RHBDL2: variants seen among roughly 807,000 people sequenced by gnomAD.
RHBDL2 encodes rhomboid like 2, also known as rhomboid-related protein 2.
In RHBDL2, 26 loss-of-function variants were observed where a neutral mutation model predicts 31.7. The ratio of observed to expected loss-of-function variants is 0.82; its 90% confidence interval spans 0.60 to 1.14. RHBDL2 has a LOEUF of 1.14. Among genes scored for constraint, RHBDL2 ranks in the 50% most tolerant of loss-of-function variants. The pLI is 0.00. For missense variants in RHBDL2, 336 were observed against 364.4 expected, an observed-to-expected ratio of 0.92 and a Z score of 0.63; for synonymous variants, 123 against 127.2, an observed-to-expected ratio of 0.97 and a Z score of 0.22.
intron 2 of RHBDL2, among the ~76,000 whole-genome samples, chr1:38,915,941 C>T (rs1424895455): frequency 1.3e-5 from 2 of 152,238 alleles, no homozygotes; most frequent in African/African-American, 2.4e-5. Flanking sequence ...GTAAGGAAGA[C>T]TTTCTGAACC....
At chr1:38,934,311 G>A (rs1488136712) in intron 1 of RHBDL2, among the ~76,000 whole-genome samples, 2 of 151,696 alleles carry the variant, frequency 1.3e-5, no homozygotes, top group Non-Finnish European at 2.9e-5. Context: ...TTGTGCCACT[G>A]CACTCCAGCC....
chr1:38,887,560 G>A (rs1210543457), intron 7 of RHBDL2, among the ~76,000 whole-genome samples: 3 of 152,188 alleles, frequency 2.0e-5, no homozygotes, highest in Non-Finnish European at 4.4e-5. Flanking sequence ...GAGTAGCTGG[G>A]ATTACAGGTG....
intron 4 of RHBDL2, among the ~76,000 whole-genome samples, chr1:38,899,985 G>T (rs1037356892): frequency 6.6e-6 from 1 of 152,184 alleles, no homozygotes; most frequent in African/African-American, 2.4e-5. Flanking sequence ...AGCAGTGTGG[G>T]GATGTGTACT....
chr1:38,939,158 G>A (rs1208092084), intron 1 of RHBDL2, among the ~76,000 whole-genome samples: 1 of 152,224 alleles, frequency 6.6e-6, no homozygotes, highest in Non-Finnish European at 1.5e-5. Context: ...GAGTCTGGAT[G>A]CAGCAGCCCA....
rs1439234011 is a variant in RHBDL2 at position 38,895,995 on chromosome 1, C to T, written c.583G>A (p.Gly195Arg). The change falls in exon 5 of 8, where the codon GGA (glycine) becomes AGA (arginine). Residue 195 changes from glycine (G) to arginine (R), a missense_variant. Transcript: ENST00000372990. ...ACCAGAACATTCATAAAATAGCCTCCCATCAGAGCATAGACTCCTCCTGAA... is the reference window on the plus strand; with the variant it reads ...ACCAGAACATTCATAAAATAGCCTCTCATCAGAGCATAGACTCCTCCTGAA... ...GASGGVYALM[G>R]GYFMNVLVNF... 4 of 1,613,354 alleles carry T rather than the reference C, an allele frequency of 2.5e-6. 1 individual carries two copies.
intron 1 of RHBDL2, among the ~76,000 whole-genome samples, chr1:38,923,731 C>T (rs945739901): frequency 2.2e-4 from 33 of 152,232 alleles, no homozygotes; most frequent in African/African-American, 7.5e-4. Context: ...ACTTGGCACT[C>T]GAGCACTCAC....
chr1:38,921,208 G>A (rs934959870), intron 1 of RHBDL2, among the ~76,000 whole-genome samples: 9 of 152,038 alleles, frequency 5.9e-5, no homozygotes, highest in African/African-American at 1.7e-4. Flanking sequence ...CTGGTGAAAC[G>A]CCATCTCTAC....
At chr1:38,891,031 G>A (rs954576481) in intron 6 of RHBDL2, among the ~76,000 whole-genome samples, 1 of 152,002 alleles carries the variant, frequency 6.6e-6, no homozygotes, top group Non-Finnish European at 1.5e-5. Flanking sequence ...CACTTTGGGA[G>A]GCTGAGGTGA....
At chr1:38,901,326 G>A (rs888079049) in intron 4 of RHBDL2, among the ~76,000 whole-genome samples, 1 of 151,224 alleles carries the variant, frequency 6.6e-6, no homozygotes, top group Non-Finnish European at 1.5e-5. Context: ...GCTGGGCTTG[G>A]TGGCAGGCAC....
Position 38,896,050 on chromosome 1 carries a change from G to C in RHBDL2, c.528C>G (p.Ile176Met). The C allele has an allele frequency of 6.2e-7, 1 of 1,613,566 alleles. No individual in the cohort carries two copies. Among genetic ancestry groups the C allele is most frequent in the Non-Finnish European group, 8.5e-7 (1 of 1,179,570 alleles). The change falls in exon 5 of 8, where the codon ATC becomes ATG. Residue 176 changes from isoleucine to methionine, a missense_variant. Ile to Met is a conservative substitution (Grantham distance 10). Coordinates refer to ENST00000372990, the MANE Select transcript of RHBDL2 (RefSeq NM_017821.5). ...GVIAGSLASS[I>M]FDPLRYLVGA... ...CCACAAGATATCTGAGTGGGTCAAA[G>C]ATGGAGCTGGCAAGGGACCCTAAAG...
rs186499043 is a variant in RHBDL2, at chr1:38,906,986, T to A, written c.508+4336A>T. 7.4e-4 allele frequency among the ~76,000 whole-genome samples: 112 copies of A among 152,266 alleles called. 3 individuals carry two copies. In the Middle Eastern group the frequency reaches 0.01, roughly 14 times the overall value. ...AAAATGAAGAATAAAATGGGAGGAATCATTCTGATTTCAAAACTTATTATA... is the reference window on the plus strand; with the variant it reads ...AAAATGAAGAATAAAATGGGAGGAAACATTCTGATTTCAAAACTTATTATA... On this transcript the variant is annotated intron_variant, in intron 4 of 7. Coordinates refer to ENST00000372990, the MANE Select transcript of RHBDL2 (RefSeq NM_017821.5).
intron 1 of RHBDL2, among the ~76,000 whole-genome samples, chr1:38,934,512 CCAGGA>C (rs2124355462): frequency 1.3e-5 from 2 of 150,252 alleles, no homozygotes; most frequent in South Asian, 2.1e-4. Context: ...AAAAAATTAG[CCAGGA>C]GGGGTGATGG....
chr1:38,923,627 A>G (rs765400762), intron 1 of RHBDL2, among the ~76,000 whole-genome samples: 32 of 152,358 alleles, frequency 2.1e-4, no homozygotes, highest in Non-Finnish European at 2.9e-4. Flanking sequence ...TGGAAGCCCA[A>G]TTGAATGGAG....
intron 1 of RHBDL2, among the ~76,000 whole-genome samples, chr1:38,941,319 T>C (rs1643557369): frequency 6.6e-6 from 1 of 151,710 alleles, no homozygotes; most frequent in Non-Finnish European, 1.5e-5. Context: ...TTAGTTGGAG[T>C]TAGAAAAACT....
chr1:38,913,430 T>C (rs774781669), intron 3 of RHBDL2: 1 of 152,188 alleles, frequency 6.6e-6, no homozygotes, highest in South Asian at 2.1e-4. Context: ...TGCCCCTGAT[T>C]TGTCAAGCCT....
chr1:38,901,424 T>C (rs1187457574), intron 4 of RHBDL2, among the ~76,000 whole-genome samples: 1 of 133,054 alleles, frequency 7.5e-6, no homozygotes, highest in Non-Finnish European at 1.5e-5. Context: ...ATCGCACCAT[T>C]GCACTCCAGC....
At chr1:38,895,289 AG>A (rs1642904592) in intron 5 of RHBDL2, among the ~76,000 whole-genome samples, 1 of 152,226 alleles carries the variant, frequency 6.6e-6, no homozygotes, top group South Asian at 2.1e-4. Flanking sequence ...CCTATGAAGT[AG>A]CCGTTCTTTT....
At chr1:38,933,467 C>G (rs10749677) in intron 1 of RHBDL2, among the ~76,000 whole-genome samples, 145,698 of 152,298 alleles carry the variant, frequency 0.96, 69,706 homozygotes, top group African/African-American at 0.97. Context: ...TAGAATATGA[C>G]CTCCACAAAA....
intron 1 of RHBDL2, among the ~76,000 whole-genome samples, chr1:38,921,281 T>G (rs1643311458): frequency 6.6e-6 from 1 of 152,198 alleles, no homozygotes; most frequent in Non-Finnish European, 1.5e-5. Flanking sequence ...GAAGGAAGGC[T>G]GAAGCAGGAG....
Sources: allele counts gnomAD v4.1 joint callset (sites outside exome capture counted in the v4.1 genomes callset), GRCh38; gene constraint gnomAD v4.1.1; transcripts MANE v1.5; gene names NCBI Gene and HGNC (gene_info 2026-07-23, HGNC 2026-07-21).